ANK3: variants seen among roughly 807,000 people sequenced by gnomAD.
The protein encoded by ANK3 is ankyrin-3.
In ANK3, 57 loss-of-function variants were observed where a neutral mutation model predicts 370.9. The ratio of observed to expected loss-of-function variants is 0.15; its 90% CI spans 0.12 to 0.19. ANK3 has a LOEUF of 0.19. ANK3 is among the 10% of genes least tolerant of loss of function. The probability of loss-of-function intolerance (pLI) is 1.00; values close to 1 mark genes in which losing one functional copy is unlikely to be tolerated. For missense variants in ANK3, 4,439 were observed against 5,302.1 expected (o/e 0.84, Z 5.06); for synonymous variants, 1,929 against 1,946.3 (o/e 0.99, Z 0.23).
intron 2 of ANK3, among the ~76,000 whole-genome samples, chr10:60,598,789 A>G (rs529738741): frequency 2.6e-5 from 4 of 152,232 alleles, no homozygotes; most frequent in African/African-American, 9.6e-5. Context: ...CATAGTGAAC[A>G]TTACATCAGA....
intron 23 of ANK3, among the ~76,000 whole-genome samples, chr10:60,151,586 A>G (rs554514492): frequency 1.1e-3 from 77 of 67,280 alleles, no homozygotes; most frequent in African/African-American, 4.2e-3. Context: ...AATGCAGAGG[A>G]AAAAAAAAAG....
rs576083262 is a variant in ANK3, at chr10:60,626,131, G to T, written c.58-10907C>A. Among the ~76,000 whole-genome samples the T allele has an allele frequency of 1.8e-4, 27 of 152,264 alleles. No individual in the cohort carries two copies. In the South Asian group the frequency reaches 5.2e-3, roughly 29 times the overall value. ...GTTTTTAAAGGCATAGAACAAAACA[G>T]GGCTGGTAAGGAAGACAAACAAATT... On this transcript the variant is annotated intron_variant, in intron 1 of 43. Transcript: ENST00000373827.
At chr10:60,552,089 C>T (rs1356977563) in intron 2 of ANK3, among the ~76,000 whole-genome samples, 1 of 152,166 alleles carries the variant, frequency 6.6e-6, no homozygotes, top group Admixed American at 6.6e-5. Flanking sequence ...CACATGAGAG[C>T]AATGACAACT....
intron 7 of ANK3, among the ~76,000 whole-genome samples, chr10:60,236,445 C>T (rs1218775988): frequency 6.6e-6 from 1 of 152,124 alleles, no homozygotes; most frequent in East Asian, 1.9e-4. Flanking sequence ...ATCTCCACAG[C>T]TCCTCTATCC....
At chr10:60,653,071 A>G (rs754157783) in intron 1 of ANK3, among the ~76,000 whole-genome samples, 6 of 152,130 alleles carry the variant, frequency 3.9e-5, no homozygotes, top group Non-Finnish European at 5.9e-5. Context: ...TTTTAGATAT[A>G]TATATCATAA....
intron 1 of ANK3, among the ~76,000 whole-genome samples, chr10:60,282,992 C>T (rs552591225): frequency 1.4e-3 from 213 of 152,290 alleles, no homozygotes; most frequent in Admixed American, 2.8e-3. Context: ...GCCACCACTT[C>T]CTCAAATATT....
chr10:60,306,668 T>G (rs2045205914), intron 1 of ANK3, among the ~76,000 whole-genome samples: 1 of 152,168 alleles, frequency 6.6e-6, no homozygotes, highest in South Asian at 2.1e-4. Flanking sequence ...CCATAGTGGT[T>G]GTATTAATTT....
chr10:60,213,556 C>A (rs1210323063), intron 8 of ANK3, 46 bp from the exon 9 acceptor site: 11 of 1,341,470 alleles, frequency 8.2e-6, no homozygotes, highest in Non-Finnish European at 1.2e-5. Flanking sequence ...ACAATAAATT[C>A]TATGAGTGCA....
At chr10:60,053,245 C>T (rs940863642) in intron 42 of ANK3, among the ~76,000 whole-genome samples, 31 of 152,182 alleles carry the variant, frequency 2.0e-4, no homozygotes, top group African/African-American at 7.0e-4. Context: ...GAATTATTAG[C>T]ATTCCAGGAT....
chr10:60,733,176 C>T, intron 1 of ANK3: 1 of 1,169,598 alleles, frequency 8.5e-7, no homozygotes, highest in South Asian at 4.2e-5. Context: ...CTCCTGGGGC[C>T]CCCCGGCCCG....
At chr10:60,377,164 G>A (rs1167482299) in intron 1 of ANK3, among the ~76,000 whole-genome samples, 1 of 152,190 alleles carries the variant, frequency 6.6e-6, no homozygotes, top group Non-Finnish European at 1.5e-5. Flanking sequence ...CAGAGGGACA[G>A]CAGGTCCTTG....
At chr10:60,716,188 T>TA (rs11451064) in intron 1 of ANK3, among the ~76,000 whole-genome samples, 47,286 of 151,492 alleles carry the variant, frequency 0.31, 7,608 homozygotes, top group South Asian at 0.48. Flanking sequence ...CCAAGAAAGT[T>TA]AAAAAAAATG....
intron 15 of ANK3, 72 bp downstream of exon 15, chr10:60,196,455 A>G: frequency 1.8e-6 from 2 of 1,082,624 alleles, no homozygotes; most frequent in Non-Finnish European, 2.8e-6. Flanking sequence ...AGTGGCTATT[A>G]GTGAATATTA....
chr10:60,659,151 A>G (rs2078905057), intron 1 of ANK3, among the ~76,000 whole-genome samples: 1 of 152,190 alleles, frequency 6.6e-6, no homozygotes, highest in Non-Finnish European at 1.5e-5. Flanking sequence ...TATCTTTGTG[A>G]TCTTGAGTTA....
intron 2 of ANK3, among the ~76,000 whole-genome samples, chr10:60,532,755 G>A (rs1318831290): frequency 1.3e-5 from 2 of 152,028 alleles, no homozygotes; most frequent in Admixed American, 6.6e-5. Context: ...TTTCAAGCAT[G>A]CTGACAAATA....
rs537095747 is a variant in ANK3, at chr10:60,055,646, C to A, written c.13065+12G>T. 7 of 1,587,730 alleles carry A rather than the reference C, an allele frequency of 4.4e-6. No individual in the cohort carries two copies. The African/African-American group carries it at 5.4e-5, about 12-fold the overall frequency. Reference sequence around the variant, plus strand: ...ATTTCAATGACTGCTACCGGATGACCAGATGACGTACCTTTTGCTCAGACC... The same window carrying A: ...ATTTCAATGACTGCTACCGGATGACAAGATGACGTACCTTTTGCTCAGACC... On this transcript the variant is annotated intron_variant, in intron 42 of 43. Coordinates refer to ENST00000280772, the MANE Select transcript of ANK3 (RefSeq NM_020987.5).
At chr10:60,323,254 T>C (rs116542721) in intron 1 of ANK3, among the ~76,000 whole-genome samples, 1,696 of 152,224 alleles carry the variant, frequency 0.011, 35 homozygotes, top group African/African-American at 0.039. Context: ...AGCATAGAAG[T>C]CCCTGAGAAG....
At chr10:60,526,056 G>T (rs2076463224) in intron 2 of ANK3, among the ~76,000 whole-genome samples, 1 of 152,090 alleles carries the variant, frequency 6.6e-6, no homozygotes, top group Non-Finnish European at 1.5e-5. Flanking sequence ...CATGGAACTT[G>T]TCAGAAACTC....
chr10:60,507,082 T>A (rs1393942127), intron 2 of ANK3, among the ~76,000 whole-genome samples: 1 of 152,106 alleles, frequency 6.6e-6, no homozygotes, highest in East Asian at 1.9e-4. Flanking sequence ...ATATGCTAAT[T>A]ACCCTGATTT....
Sources: allele counts gnomAD v4.1 joint callset (sites outside exome capture counted in the v4.1 genomes callset), GRCh38; gene constraint gnomAD v4.1.1; transcripts MANE v1.5; gene names NCBI Gene and HGNC (gene_info 2026-07-23, HGNC 2026-07-21).